CATSPERB: variants seen among roughly 807,000 people sequenced by gnomAD.
CATSPERB encodes the protein cation channel sperm-associated auxiliary subunit beta.
In CATSPERB, 93 loss-of-function variants were observed where a neutral mutation model predicts 128.3. That is an observed-to-expected ratio of 0.72 (90% CI 0.61 to 0.86). The LOEUF is 0.86. Ranked by LOEUF, CATSPERB falls within the 40% of genes least tolerant of loss-of-function variation. The pLI is 0.00. For missense variants in CATSPERB, 1,153 were observed against 1,329.5 expected (o/e 0.87, Z 2.06); for synonymous variants, 381 against 448.8 (o/e 0.85, Z 1.91).
At chr14:91,608,682 A>C (rs1338909320) in intron 21 of CATSPERB, among the ~76,000 whole-genome samples, 1 of 152,236 alleles carries the variant, frequency 6.6e-6, no homozygotes, top group Non-Finnish European at 1.5e-5. Flanking sequence ...GTGATGTATC[A>C]TAGTTAGTAA....
chr14:91,605,402 A>G lies in CATSPERB; in HGVS notation c.2709+2892T>C, dbSNP rs1266427949. 1.1e-5 allele frequency: 6 copies of G among 537,780 alleles called. No homozygotes were observed. In the African/African-American group the frequency reaches 1.1e-4, roughly 10 times the overall value. The allele number at this position is 537,780 out of a possible 1,614,324, so 33.3% of individuals were successfully genotyped here. On this transcript the variant is annotated intron_variant, in intron 22 of 26. Coordinates refer to ENST00000256343, the MANE Select transcript of CATSPERB (RefSeq NM_024764.4). ...GGTGGCTTTAAGACTTTTTTCTGGA[A>G]GATCTTAGAGAAATATGACCTCCAG...
chr14:91,681,581 T>G (rs1402853842), intron 11 of CATSPERB, among the ~76,000 whole-genome samples: 3 of 152,192 alleles, frequency 2.0e-5, no homozygotes, highest in Non-Finnish European at 4.4e-5. Flanking sequence ...ACCTAATAAA[T>G]GAATTAAGAA....
chr14:91,638,205 T>A (rs1315417084), intron 16 of CATSPERB, among the ~76,000 whole-genome samples: 1 of 152,196 alleles, frequency 6.6e-6, no homozygotes, highest in African/African-American at 2.4e-5. Flanking sequence ...GGTTTGAGAG[T>A]GTCCAGTTTT....
chr14:91,701,130 G>A (rs117539923), intron 7 of CATSPERB, among the ~76,000 whole-genome samples: 1,844 of 152,268 alleles, frequency 0.012, 15 homozygotes, highest in Middle Eastern at 0.02. Context: ...AAGTCAAGTG[G>A]AGAGGAAGGC....
intron 17 of CATSPERB, 142 bp downstream of exon 17, chr14:91,636,283 A>C: frequency 1.4e-6 from 1 of 706,016 alleles, no homozygotes; most frequent in Admixed American, 2.4e-5. Flanking sequence ...GCATTGCTTG[A>C]GCCTGGGAGA....
intron 7 of CATSPERB, among the ~76,000 whole-genome samples, chr14:91,696,249 G>A (rs1165292057): frequency 6.6e-6 from 1 of 152,166 alleles, no homozygotes; most frequent in African/African-American, 2.4e-5. Context: ...AAAGCCCTAG[G>A]TTTGCATTTA....
At chr14:91,624,246 C>T (rs1018761809) in intron 18 of CATSPERB, among the ~76,000 whole-genome samples, 3 of 152,162 alleles carry the variant, frequency 2.0e-5, no homozygotes, top group South Asian at 2.1e-4. Context: ...CTTTGAGACG[C>T]TGAGGTGGGC....
At chr14:91,714,277 CAAAAAAAAA>C (rs35951126) in intron 5 of CATSPERB, among the ~76,000 whole-genome samples, 2 of 111,296 alleles carry the variant, frequency 1.8e-5, no homozygotes, top group African/African-American at 3.6e-5. Context: ...TACAATAAGG[CAAAAAAAAA>C]AAAAAAGAAA....
At chr14:91,660,921 G>A (rs781100345) in intron 14 of CATSPERB, among the ~76,000 whole-genome samples, 2 of 152,288 alleles carry the variant, frequency 1.3e-5, no homozygotes, top group African/African-American at 2.4e-5. Context: ...TTTTATGGTA[G>A]GGAGGACAGA....
chr14:91,590,764 C>T (rs1893383498), intron 23 of CATSPERB, among the ~76,000 whole-genome samples: 1 of 151,854 alleles, frequency 6.6e-6, no homozygotes, highest in Non-Finnish European at 1.5e-5. Context: ...CATTCTCCTG[C>T]CTTAGCCTCC....
At chr14:91,613,204 T>C (rs2139779412) in intron 20 of CATSPERB, among the ~76,000 whole-genome samples, 1 of 152,260 alleles carries the variant, frequency 6.6e-6, no homozygotes, top group South Asian at 2.1e-4. Flanking sequence ...TGTTTTAAAA[T>C]ACCTCAGAAT....
chr14:91,679,396 TAG>T (rs1363113963), intron 11 of CATSPERB, among the ~76,000 whole-genome samples: 3 of 152,216 alleles, frequency 2.0e-5, no homozygotes, highest in Admixed American at 6.5e-5. Flanking sequence ...AATGGTTGTT[TAG>T]GAAAGAGATA....
At chr14:91,661,180 G>A (rs566094323) in intron 14 of CATSPERB, among the ~76,000 whole-genome samples, 1 of 152,198 alleles carries the variant, frequency 6.6e-6, no homozygotes, top group South Asian at 2.1e-4. Context: ...AGGTGTCTAA[G>A]GAAGGGCACC....
intron 10 of CATSPERB, among the ~76,000 whole-genome samples, chr14:91,687,839 C>A (rs1353738562): frequency 6.6e-6 from 1 of 151,306 alleles, no homozygotes; most frequent in Non-Finnish European, 1.5e-5. Flanking sequence ...CCTGTAATTC[C>A]AGCTACTCAA....
chr14:91,670,846 A>G (rs979721445), intron 13 of CATSPERB, among the ~76,000 whole-genome samples: 1 of 152,062 alleles, frequency 6.6e-6, no homozygotes, highest in Non-Finnish European at 1.5e-5. Context: ...TCTACTAAAA[A>G]TACAAAAATT....
chr14:91,627,961 G>A (rs1307430728), intron 17 of CATSPERB, among the ~76,000 whole-genome samples: 2 of 152,156 alleles, frequency 1.3e-5, no homozygotes, highest in African/African-American at 2.4e-5. Context: ...CTGGGTAACA[G>A]AGTGAGAATC....
chr14:91,620,997 C>A (rs957096417), intron 19 of CATSPERB, among the ~76,000 whole-genome samples: 4 of 152,218 alleles, frequency 2.6e-5, no homozygotes, highest in Non-Finnish European at 5.9e-5. Flanking sequence ...CAGAAATCTA[C>A]ACTAAAATTC....
chr14:91,683,116 C>T (rs1021359621), intron 11 of CATSPERB, among the ~76,000 whole-genome samples: 21 of 152,308 alleles, frequency 1.4e-4, no homozygotes, highest in South Asian at 1.0e-3. Context: ...TTGTCCTCTT[C>T]GGCTGCTGTG....
rs375957512 is a variant in CATSPERB, at chr14:91,588,597, G to A, written c.2957-519C>T. ...CTAAAACTAGATAGCTAGTGTAGGG[G>A]TTAGACGTTGCAGTGGTATAAAGGT... On this transcript the variant is annotated intron_variant, in intron 24 of 26. Transcript: ENST00000256343. Among the ~76,000 whole-genome samples, 23 of 152,218 alleles carry A rather than the reference G, an allele frequency of 1.5e-4. 1 individual carries two copies. The East Asian group carries it at 4.2e-3, about 28-fold the overall frequency.
Sources: gnomAD v4.1 joint callset for allele counts (sites outside exome capture counted in the v4.1 genomes callset) on GRCh38, gnomAD v4.1.1 for gene constraint, MANE v1.5 for transcripts, NCBI Gene and HGNC (gene_info 2026-07-23, HGNC 2026-07-21) for gene names.